NUBPL: variants seen among roughly 807,000 people sequenced by gnomAD.
The protein encoded by NUBPL is NUBP iron-sulfur cluster assembly factor, mitochondrial.
A neutral mutation model predicts 45.7 loss-of-function variants in NUBPL; 31 were observed. The observed-to-expected ratio is 0.68, with a 90% CI of 0.51 to 0.92. NUBPL has a LOEUF of 0.92. Ranked by LOEUF, NUBPL falls within the 40% of genes least tolerant of loss-of-function variation. The pLI, the probability that NUBPL is intolerant of heterozygous loss-of-function variation, is 0.00. For synonymous variants in NUBPL, 144 were observed against 140.9 expected (o/e 1.02, Z -0.15); for missense variants, 401 against 398.7 (o/e 1.01, Z -0.05).
chr14:31,709,602 C>T (rs1375355614), intron 6 of NUBPL, among the ~76,000 whole-genome samples: 1 of 152,228 alleles, frequency 6.6e-6, no homozygotes. Context: ...AATAGCATGA[C>T]ATCTCTCCAA....
intron 3 of NUBPL, among the ~76,000 whole-genome samples, chr14:31,581,000 T>G (rs1024805439): frequency 6.6e-6 from 1 of 152,132 alleles, no homozygotes; most frequent in Non-Finnish European, 1.5e-5. Context: ...CTGGCTGTAA[T>G]GTAGAGAATA....
chr14:31,689,060 GTCTA>G (rs1427062293), intron 6 of NUBPL, among the ~76,000 whole-genome samples: 2 of 151,524 alleles, frequency 1.3e-5, no homozygotes, highest in African/African-American at 2.4e-5. Context: ...TCTTTATTCA[GTCTA>G]CCATTGATAG....
intron 8 of NUBPL, among the ~76,000 whole-genome samples, chr14:31,834,021 C>G (rs181815390): frequency 5.3e-4 from 81 of 152,156 alleles, no homozygotes; most frequent in Middle Eastern, 3.4e-3. Context: ...GATCACTGAA[C>G]TGATTTATTT....
At chr14:31,760,629 G>A (rs1055078080) in intron 6 of NUBPL, among the ~76,000 whole-genome samples, 2 of 151,924 alleles carry the variant, frequency 1.3e-5, no homozygotes, top group African/African-American at 4.8e-5. Flanking sequence ...ATTCATCCAC[G>A]CTGTCATAAA....
intron 10 of NUBPL, among the ~76,000 whole-genome samples, chr14:31,856,350 A>G (rs1038779037): frequency 2.0e-5 from 3 of 152,136 alleles, no homozygotes; most frequent in African/African-American, 7.2e-5. Context: ...CCCATGACAC[A>G]TGGGAATTGT....
chr14:31,678,450 A>G (rs1050489909), intron 6 of NUBPL, among the ~76,000 whole-genome samples: 31 of 152,242 alleles, frequency 2.0e-4, no homozygotes, highest in African/African-American at 7.2e-4. Context: ...GGACCGTGGC[A>G]TAGTTCCCGG....
rs1366996750 is a variant in NUBPL, at chr14:31,599,173, T to G, written c.292-116T>G. 7 of 808,506 alleles carry G rather than the reference T, an allele frequency of 8.7e-6. No homozygotes were observed. In the East Asian group the frequency reaches 1.9e-4, roughly 21 times the overall value. The allele number at this position is 808,506 out of a possible 1,614,324, so 50.1% of individuals were successfully genotyped here. A position where few individuals can be genotyped will look rare whatever the true frequency, so the allele number is the denominator to read the frequency against. On this transcript the variant is annotated intron_variant, in intron 3 of 10. Transcript: ENST00000281081. Reference sequence around the variant, plus strand: ...TTATGATTTGTAATATTTTGCCAATTTTATTTTCTGTACTCAGATTACTGT... The same window carrying G: ...TTATGATTTGTAATATTTTGCCAATGTTATTTTCTGTACTCAGATTACTGT...
At chr14:31,758,209 C>G (rs756866376) in intron 6 of NUBPL, among the ~76,000 whole-genome samples, 1 of 152,092 alleles carries the variant, frequency 6.6e-6, no homozygotes, top group Non-Finnish European at 1.5e-5. Context: ...CTTTGCAGTA[C>G]TTCAAACAAG....
intron 6 of NUBPL, among the ~76,000 whole-genome samples, chr14:31,752,252 T>C (rs193235305): frequency 9.8e-5 from 15 of 152,308 alleles, no homozygotes; most frequent in African/African-American, 3.4e-4. Flanking sequence ...AAACTGCAAA[T>C]TTTCTAAACT....
intron 7 of NUBPL, among the ~76,000 whole-genome samples, chr14:31,809,844 A>AAAC (rs200400356): frequency 0.41 from 61,464 of 151,616 alleles, 13,669 homozygotes; most frequent in East Asian, 0.61. Flanking sequence ...TTCAAAGAAC[A>AAAC]TTTTTATTTC....
At chr14:31,739,225 T>C (rs1245321610) in intron 6 of NUBPL, among the ~76,000 whole-genome samples, 1 of 143,186 alleles carries the variant, frequency 7.0e-6, no homozygotes, top group Non-Finnish European at 1.5e-5. Context: ...ATATTATATA[T>C]ATATATATTA....
In NUBPL at chr14:31,789,683, T is replaced by C. The variant is rs116444880; in HGVS notation, c.607+1810T>C. Among the ~76,000 whole-genome samples the C allele has an allele frequency of 6.5e-3, 992 of 152,282 alleles. 12 individuals are homozygous for C. The highest frequency in any genetic ancestry group is 0.022 in the African/African-American group (929 of 41,572). On this transcript the variant is annotated intron_variant, in intron 7 of 10. Transcript: ENST00000281081. ...ACTGATTACCAAACAATATCATTGATATTTAATGATCAAAAGTTTAGAATC... is the reference window on the plus strand; with the variant it reads ...ACTGATTACCAAACAATATCATTGACATTTAATGATCAAAAGTTTAGAATC...
chr14:31,842,045 C>A (rs1405831207), intron 8 of NUBPL, among the ~76,000 whole-genome samples: 2 of 148,816 alleles, frequency 1.3e-5, no homozygotes, highest in African/African-American at 5.0e-5. Context: ...ATTCTCCTGC[C>A]TCAGCCTCCT....
chr14:31,692,009 G>A (rs1168570079), intron 6 of NUBPL, among the ~76,000 whole-genome samples: 1 of 151,934 alleles, frequency 6.6e-6, no homozygotes, highest in Non-Finnish European at 1.5e-5. Context: ...TGATGCCTTG[G>A]GAAAAAAGCA....
intron 8 of NUBPL, among the ~76,000 whole-genome samples, chr14:31,837,463 C>T (rs2040300269): frequency 1.3e-5 from 2 of 152,158 alleles, no homozygotes; most frequent in African/African-American, 4.8e-5. Context: ...TCTAGAGCAG[C>T]ACTGTCCAGT....
intron 3 of NUBPL, among the ~76,000 whole-genome samples, chr14:31,575,333 G>A (rs1489201111): frequency 6.6e-6 from 1 of 152,156 alleles, no homozygotes; most frequent in Non-Finnish European, 1.5e-5. Flanking sequence ...TATGTATATA[G>A]TATCTAATAG....
intron 4 of NUBPL, among the ~76,000 whole-genome samples, chr14:31,623,927 G>C (rs1313223751): frequency 6.6e-6 from 1 of 152,194 alleles, no homozygotes; most frequent in African/African-American, 2.4e-5. Context: ...TGTTTGAAGA[G>C]TTGAAGTGTG....
At chr14:31,588,214 T>C (rs1055386655) in intron 3 of NUBPL, among the ~76,000 whole-genome samples, 1 of 152,180 alleles carries the variant, frequency 6.6e-6, no homozygotes, top group Non-Finnish European at 1.5e-5. Flanking sequence ...GGTTTCTTCA[T>C]TGGGGGTTAT....
intron 8 of NUBPL, among the ~76,000 whole-genome samples, chr14:31,842,841 A>G (rs2040397704): frequency 6.6e-6 from 1 of 152,140 alleles, no homozygotes; most frequent in Non-Finnish European, 1.5e-5. Flanking sequence ...TATATTGTAT[A>G]TGTAGTATAC....
Sources: allele counts gnomAD v4.1 joint callset (sites outside exome capture counted in the v4.1 genomes callset), GRCh38; gene constraint gnomAD v4.1.1; transcripts MANE v1.5; gene names NCBI Gene and HGNC (gene_info 2026-07-23, HGNC 2026-07-21).